Variants in ZNF131 observed in about 807,000 individuals in gnomAD.
ZNF131 encodes zinc finger and BTB domain containing 35.
A neutral mutation model predicts 60.0 loss-of-function variants in ZNF131; 7 were observed. That is an observed-to-expected ratio of 0.12 (90% CI 0.07 to 0.22). The LOEUF is 0.22. Among genes scored for constraint, ZNF131 ranks in the 10% least tolerant of loss-of-function variants. The pLI is 1.00. For missense variants in ZNF131, 493 were observed against 740.9 expected (o/e 0.67, Z 3.88); for synonymous variants, 257 against 253.2 (o/e 1.01, Z -0.14).
intron 4 of ZNF131, among the ~76,000 whole-genome samples, chr5:43,150,107 G>A (rs769045172): frequency 2.6e-5 from 4 of 152,202 alleles, no homozygotes; most frequent in Non-Finnish European, 5.9e-5. Flanking sequence ...TGGCCTAGGT[G>A]TGTACCGTGC....
intron 4 of ZNF131, among the ~76,000 whole-genome samples, chr5:43,140,771 C>T (rs1222593387): frequency 6.6e-6 from 1 of 152,168 alleles, no homozygotes; most frequent in African/African-American, 2.4e-5. Flanking sequence ...GACTGGAGTG[C>T]AGTGGCACAA....
At chr5:43,140,201 G>C (rs1746633242) in intron 4 of ZNF131, among the ~76,000 whole-genome samples, 2 of 152,120 alleles carry the variant, frequency 1.3e-5, no homozygotes, top group Non-Finnish European at 2.9e-5. Context: ...TACCAGCTAG[G>C]GGGAACAAAG....
intron 3 of ZNF131, among the ~76,000 whole-genome samples, chr5:43,129,356 G>A (rs1338635818): frequency 6.6e-6 from 1 of 152,072 alleles, no homozygotes; most frequent in Non-Finnish European, 1.5e-5. Context: ...ACAGGCATGA[G>A]CCACCACACC....
intron 4 of ZNF131, among the ~76,000 whole-genome samples, chr5:43,159,685 T>TA (rs1561433392): frequency 7.6e-6 from 1 of 131,560 alleles, no homozygotes; most frequent in African/African-American, 2.7e-5. Flanking sequence ...ACAAGAGAGA[T>TA]ACTCTGTCTC....
At chr5:43,142,536 C>T (rs539894449) in intron 4 of ZNF131, among the ~76,000 whole-genome samples, 1 of 151,984 alleles carries the variant, frequency 6.6e-6, no homozygotes, top group South Asian at 2.1e-4. Context: ...GACCTCCTGA[C>T]CTCGTGATCC....
intron 5 of ZNF131, among the ~76,000 whole-genome samples, chr5:43,164,322 C>G (rs1200618861): frequency 6.6e-6 from 1 of 152,136 alleles, no homozygotes; most frequent in African/African-American, 2.4e-5. Flanking sequence ...GAACCAATCC[C>G]CCGCATATAC....
chr5:43,143,924 T>C (rs1444206063), intron 4 of ZNF131, among the ~76,000 whole-genome samples: 4 of 124,256 alleles, frequency 3.2e-5, no homozygotes, highest in Admixed American at 8.4e-5. Context: ...TTTTTTTTTT[T>C]TTTTTTTTTT....
At chr5:43,156,538 C>T (rs530311269) in intron 4 of ZNF131, among the ~76,000 whole-genome samples, 129 of 152,324 alleles carry the variant, frequency 8.5e-4, no homozygotes, top group Non-Finnish European at 1.3e-3. Flanking sequence ...AGAAGCTGCA[C>T]GTGGCTTGAC....
intron 4 of ZNF131, among the ~76,000 whole-genome samples, chr5:43,143,056 C>T (rs1229850511): frequency 6.8e-6 from 1 of 146,660 alleles, no homozygotes; most frequent in Non-Finnish European, 1.5e-5. Flanking sequence ...GACAGAGTCT[C>T]ACTGTTACCA....
rs1019949607 is a variant in ZNF131, at chr5:43,166,364, CTT to C, written c.1054+4445_1054+4446del. On this transcript the variant is annotated intron_variant, in intron 5 of 6. Transcript: ENST00000682664. ...GATTTGAAGTGAGAGACAAGTGACT[CTT>C]TTTTTTTTTTTGGAGACAGAGTCTT... Among the ~76,000 whole-genome samples, 24 of 131,174 alleles carry C rather than the reference CTT, an allele frequency of 1.8e-4. No homozygotes were observed. In the Middle Eastern group the frequency reaches 0.028, roughly 151 times the overall value. The allele number at this position is 131,174 out of a possible 152,430, so 86.1% of individuals were successfully genotyped here.
At chr5:43,137,474 A>G (rs922956269) in intron 3 of ZNF131, among the ~76,000 whole-genome samples, 12 of 152,146 alleles carry the variant, frequency 7.9e-5, no homozygotes, top group African/African-American at 2.9e-4. Context: ...CAGATGGCCA[A>G]CAGATACATG....
intron 4 of ZNF131, among the ~76,000 whole-genome samples, chr5:43,157,903 T>G (rs1749154817): frequency 6.6e-6 from 1 of 152,266 alleles, no homozygotes; most frequent in Admixed American, 6.5e-5. Flanking sequence ...CTTTCTCCTG[T>G]GTCCAGGTTT....
chr5:43,121,876 G>T (rs1743879046), intron 1 of ZNF131, 163 bp from the exon 2 acceptor site: 5 of 737,532 alleles, frequency 6.8e-6, no homozygotes, highest in African/African-American at 1.9e-5. Flanking sequence ...AACGCTCCGG[G>T]GCCGCTCGGC....
rs1205510983 is a variant in ZNF131, at chr5:43,175,923, G to A, written c.*790G>A. 1.3e-5 allele frequency: 2 copies of A among 152,266 alleles called. No homozygotes were observed. Among genetic ancestry groups the A allele is most frequent in the Non-Finnish European group, 2.9e-5 (2 of 68,184 alleles). 9.4% of individuals were successfully genotyped at this position (152,266 alleles called of 1,614,324 possible). A position where few individuals can be genotyped will look rare whatever the true frequency, so the allele number is the denominator to read the frequency against. On this transcript the variant is annotated 3_prime_UTR_variant, in exon 7 of 7. Transcript: ENST00000682664. ...AATTTTATTTAATGGCCACTGAAGG[G>A]CCATTTTCAATTGGGAAAATTTATT...
intron 3 of ZNF131, among the ~76,000 whole-genome samples, chr5:43,128,384 T>C (rs1744830343): frequency 6.6e-6 from 1 of 152,102 alleles, no homozygotes; most frequent in Admixed American, 6.6e-5. Context: ...GAGCTGGGCA[T>C]GGTGGCTCAC....
At chr5:43,166,327 C>T (rs995247195) in intron 5 of ZNF131, among the ~76,000 whole-genome samples, 4 of 152,012 alleles carry the variant, frequency 2.6e-5, no homozygotes, top group Non-Finnish European at 4.4e-5. Flanking sequence ...GGCTTCATCA[C>T]TTCTGCCTTT....
intron 4 of ZNF131, among the ~76,000 whole-genome samples, chr5:43,149,736 G>A (rs1381224077): frequency 1.3e-5 from 2 of 152,116 alleles, no homozygotes; most frequent in African/African-American, 4.8e-5. Context: ...AGCTGGGCTG[G>A]TGGGTATATG....
At chr5:43,149,882 C>T (rs1748083742) in intron 4 of ZNF131, among the ~76,000 whole-genome samples, 1 of 151,792 alleles carries the variant, frequency 6.6e-6, no homozygotes, top group Non-Finnish European at 1.5e-5. Context: ...GGATTATTGT[C>T]AAGAAGGGGG....
chr5:43,154,444 C>T (rs546629210), intron 4 of ZNF131, among the ~76,000 whole-genome samples: 43 of 151,798 alleles, frequency 2.8e-4, no homozygotes, highest in Non-Finnish European at 2.2e-4. Context: ...TCAGAAATGT[C>T]GGCAATGGTG....
Sources: allele counts gnomAD v4.1 joint callset (sites outside exome capture counted in the v4.1 genomes callset), GRCh38; gene constraint gnomAD v4.1.1; transcripts MANE v1.5; gene names NCBI Gene and HGNC (gene_info 2026-07-23, HGNC 2026-07-21).